The following NFIB variants were observed in gnomAD, a reference collection of about 807,000 sequenced individuals.
NFIB encodes nuclear factor I B, also known as nuclear factor 1 B-type.
In NFIB, 11 loss-of-function variants were observed where a neutral mutation model predicts 61.5. The observed-to-expected ratio is 0.18, with a 90% CI of 0.11 to 0.30. The LOEUF (loss-of-function observed/expected upper bound fraction) is 0.30. Among genes scored for constraint, NFIB ranks in the 10% least tolerant of loss-of-function variants. The pLI is 1.00. For synonymous variants in NFIB, 260 were observed against 216.5 expected, an observed-to-expected ratio of 1.20 and a Z score of -1.76; for missense variants, 471 against 608.9, an observed-to-expected ratio of 0.77 and a Z score of 2.38.
At chr9:14,168,659 A>G (rs144179613) in intron 3 of NFIB, among the ~76,000 whole-genome samples, 15 of 152,252 alleles carry the variant, frequency 9.9e-5, no homozygotes, top group South Asian at 4.1e-4. Context: ...TGTAATGGAT[A>G]TATCAGAGGG....
the NFIB span, among the ~76,000 whole-genome samples, chr9:14,415,235 G>T: frequency 2.0e-5 from 3 of 152,130 alleles, no homozygotes; most frequent in African/African-American, 4.8e-5. Flanking sequence ...AGCTCCCAGA[G>T]GCCACCATGG....
At chr9:14,428,649 C>A in the NFIB span, among the ~76,000 whole-genome samples, 2 of 152,214 alleles carry the variant, frequency 1.3e-5, no homozygotes, top group Non-Finnish European at 1.5e-5. Context: ...TCATTAATCA[C>A]ACTTTCTTTT....
intron 2 of NFIB, among the ~76,000 whole-genome samples, chr9:14,192,709 C>G (rs946191805): frequency 6.6e-6 from 1 of 152,082 alleles, no homozygotes; most frequent in Non-Finnish European, 1.5e-5. Flanking sequence ...TCTGTGATGC[C>G]CTCCCTTCAG....
intron 1 of NFIB, among the ~76,000 whole-genome samples, chr9:14,328,599 T>A (rs942028678): frequency 6.6e-6 from 1 of 152,080 alleles, no homozygotes; most frequent in African/African-American, 2.4e-5. Flanking sequence ...ATTTGTTTCA[T>A]GTGCATATAT....
the NFIB span, among the ~76,000 whole-genome samples, chr9:14,498,409 G>T: frequency 4.6e-5 from 7 of 152,212 alleles, no homozygotes; most frequent in African/African-American, 1.7e-4. Context: ...CTGTCCTACT[G>T]GGTAGCGTGG....
Position 14,120,427 on chromosome 9 carries a change from C to T in NFIB, c.1245+13G>A. ...CCCTTAGGTGCTAATCTTATTTTCT[C>T]TCTTATTTTTACCTGGCTGGTTTGT... On this transcript the variant is annotated intron_variant, in intron 8 of 10. Coordinates refer to ENST00000380953, the MANE Select transcript of NFIB (RefSeq NM_001190737.2). The surrounding 1 kb of genome is among the most constrained non-coding windows in gnomAD (Gnocchi z 4.4). 1.2e-6 allele frequency: 2 copies of T among 1,613,518 alleles called. No individual in the cohort carries two copies. Among genetic ancestry groups the T allele is most frequent in the Non-Finnish European group, 1.7e-6 (2 of 1,179,550 alleles).
chr9:14,338,286 C>T (rs2104242), intron 1 of NFIB, among the ~76,000 whole-genome samples: 128,593 of 151,940 alleles, frequency 0.85, 58,531 homozygotes, highest in Non-Finnish European at 1. Flanking sequence ...CTCAACTACT[C>T]GGGAGGCTGA....
At chr9:14,509,827 C>A in the NFIB span, among the ~76,000 whole-genome samples, 1 of 152,174 alleles carries the variant, frequency 6.6e-6, no homozygotes, top group East Asian at 1.9e-4. Context: ...GTGGTAAGTT[C>A]TTGGAGCATT....
the NFIB span, among the ~76,000 whole-genome samples, chr9:14,505,557 G>A: frequency 3.3e-5 from 5 of 152,240 alleles, no homozygotes; most frequent in South Asian, 1.0e-3. Flanking sequence ...GCTGCTGGTG[G>A]TACAGGAAGA....
intron 2 of NFIB, among the ~76,000 whole-genome samples, chr9:14,265,483 T>C (rs2057118711): frequency 6.6e-6 from 1 of 152,240 alleles, no homozygotes; most frequent in Admixed American, 6.5e-5. Flanking sequence ...ATGAGAAGGC[T>C]GCCATCTATA....
At chr9:14,381,640 C>A (rs959884980) in intron 1 of NFIB, among the ~76,000 whole-genome samples, 2 of 152,190 alleles carry the variant, frequency 1.3e-5, no homozygotes, top group Non-Finnish European at 2.9e-5. Flanking sequence ...AGCAAGTGTG[C>A]ACTGTGTGGA....
chr9:14,330,859 G>C (rs981280235), intron 1 of NFIB, among the ~76,000 whole-genome samples: 3 of 152,108 alleles, frequency 2.0e-5, no homozygotes, highest in African/African-American at 7.2e-5. Flanking sequence ...TCATAGATGT[G>C]ATCTTAATGG....
In NFIB at chr9:14,238,896, C is replaced by CT. The variant is rs1454213558; in HGVS notation, c.563-59117dup. Among the ~76,000 whole-genome samples, 12 of 152,190 alleles carry CT rather than the reference C, an allele frequency of 7.9e-5. No individual in the cohort carries two copies. In the South Asian group the frequency reaches 2.5e-3, roughly 32 times the overall value. ...ATGAATGAAGGAAATTCAGTTCCTG[C>CT]TTTTTTTTCTTCCCTTCTCTGTTTT... On this transcript the variant is annotated intron_variant, in intron 2 of 10. Transcript: ENST00000380953.
intron 2 of NFIB, among the ~76,000 whole-genome samples, chr9:14,226,050 A>G (rs944795843): frequency 4.6e-5 from 7 of 152,118 alleles, no homozygotes; most frequent in African/African-American, 1.4e-4. Flanking sequence ...CACTAACAGA[A>G]TAATTAATTG....
At chr9:14,203,926 T>TG (rs1229951924) in intron 2 of NFIB, among the ~76,000 whole-genome samples, 2 of 151,902 alleles carry the variant, frequency 1.3e-5, no homozygotes, top group East Asian at 3.9e-4. Context: ...ATTTAATTTG[T>TG]GGGGAAAAAA....
chr9:14,285,730 C>T (rs1156396289), intron 2 of NFIB, among the ~76,000 whole-genome samples: 1 of 152,052 alleles, frequency 6.6e-6, no homozygotes, highest in East Asian at 1.9e-4. Flanking sequence ...ATACCTGGCG[C>T]ATAGTAAATG....
Position 14,258,560 on chromosome 9 carries a change from T to C in NFIB, c.562+48429A>G, listed in dbSNP as rs73415780. On this transcript the variant is annotated intron_variant, in intron 2 of 10. Coordinates refer to ENST00000380953, the MANE Select transcript of NFIB (RefSeq NM_001190737.2). Reference sequence around the variant, plus strand: ...AATTCTTTCTGCTGCTGCCAACTTATAGTATTTTTAAGTTTGCTCCTAGGT... The same window carrying C: ...AATTCTTTCTGCTGCTGCCAACTTACAGTATTTTTAAGTTTGCTCCTAGGT... 7.9e-5 allele frequency among the ~76,000 whole-genome samples: 12 copies of C among 152,328 alleles called. No homozygotes were observed. In the South Asian group the frequency reaches 1.7e-3, roughly 21 times the overall value.
intron 2 of NFIB, among the ~76,000 whole-genome samples, chr9:14,261,565 A>T (rs2056758214): frequency 6.6e-6 from 1 of 152,074 alleles, no homozygotes; most frequent in Non-Finnish European, 1.5e-5. Context: ...TAAATTTATT[A>T]GTGTGCAAGG....
At chr9:14,502,751 T>C in the NFIB span, among the ~76,000 whole-genome samples, 2 of 152,224 alleles carry the variant, frequency 1.3e-5, no homozygotes, top group African/African-American at 2.4e-5. Context: ...TCTATTTCAA[T>C]AGGTTTTCGG....
Sources: allele counts gnomAD v4.1 joint callset (sites outside exome capture counted in the v4.1 genomes callset), GRCh38; gene constraint gnomAD v4.1.1; non-coding constraint Gnocchi (gnomAD v3.1); transcripts MANE v1.5; gene names NCBI Gene and HGNC (gene_info 2026-07-23, HGNC 2026-07-21).